CUL3: variants seen among roughly 807,000 people sequenced by gnomAD.
The protein encoded by CUL3 is cullin-3.
In CUL3, 19 loss-of-function variants were observed where a neutral mutation model predicts 89.1. The observed-to-expected ratio is 0.21, with a 90% confidence interval of 0.15 to 0.31. The LOEUF (loss-of-function observed/expected upper bound fraction) is 0.31. Ranked by LOEUF, CUL3 falls within the 10% of genes least tolerant of loss-of-function variation. The pLI is 1.00. For missense variants in CUL3, 469 were observed against 942.3 expected (o/e 0.50, Z 6.58); for synonymous variants, 351 against 308.4 (o/e 1.14, Z -1.45).
intron 1 of CUL3, among the ~76,000 whole-genome samples, chr2:224,566,039 T>C (rs1396828356): frequency 1.3e-5 from 2 of 152,196 alleles, no homozygotes; most frequent in Non-Finnish European, 2.9e-5. Flanking sequence ...CTGCTGCGTT[T>C]AAAGAGCCTT....
intron 3 of CUL3, among the ~76,000 whole-genome samples, chr2:224,523,419 A>C (rs1693343965): frequency 6.6e-6 from 1 of 152,124 alleles, no homozygotes; most frequent in African/African-American, 2.4e-5. Context: ...CAAAATAACA[A>C]GTTTTGACAA....
intron 2 of CUL3, among the ~76,000 whole-genome samples, chr2:224,536,966 C>G (rs1051856878): frequency 1.3e-5 from 2 of 152,182 alleles, no homozygotes; most frequent in African/African-American, 4.8e-5. Flanking sequence ...CATAATCCAG[C>G]TAAACTCTCA....
chr2:224,560,342 G>A (rs898684586), intron 1 of CUL3: 16 of 151,762 alleles, frequency 1.1e-4, no homozygotes, highest in African/African-American at 3.9e-4. Flanking sequence ...TCTTAAAATT[G>A]ATACATTCTC....
chr2:224,496,037 G>T, intron 12 of CUL3, 71 bp from the exon 13 acceptor site: 2 of 1,445,130 alleles, frequency 1.4e-6, no homozygotes, highest in South Asian at 1.2e-5. Flanking sequence ...ATGTATGTAC[G>T]TACATATGTA....
intron 1 of CUL3, among the ~76,000 whole-genome samples, chr2:224,577,724 T>G (rs889326445): frequency 6.6e-6 from 1 of 152,222 alleles, no homozygotes; most frequent in African/African-American, 2.4e-5. Flanking sequence ...GAAAATTCTC[T>G]ACAGACTATT....
intron 3 of CUL3, among the ~76,000 whole-genome samples, chr2:224,526,773 G>GT (rs1233006085): frequency 1.4e-5 from 2 of 144,162 alleles, no homozygotes; most frequent in East Asian, 4.1e-4. Context: ...CAGCGATCAA[G>GT]TTTATCATTC....
chr2:224,520,903 C>G (rs1465056663), intron 3 of CUL3, among the ~76,000 whole-genome samples: 1 of 152,168 alleles, frequency 6.6e-6, no homozygotes, highest in African/African-American at 2.4e-5. Flanking sequence ...AAAGTATGCT[C>G]AAAGGTGTCA....
intron 6 of CUL3, among the ~76,000 whole-genome samples, chr2:224,507,269 T>G (rs1462078447): frequency 6.6e-6 from 1 of 152,116 alleles, no homozygotes; most frequent in Non-Finnish European, 1.5e-5. Context: ...TAAATTTACA[T>G]GGAAGAGATG....
chr2:224,474,443 A>G (rs919290525), intron 15 of CUL3, 67 bp from the exon 16 acceptor site: 7 of 1,356,588 alleles, frequency 5.2e-6, no homozygotes, highest in Admixed American at 2.1e-5. Context: ...AACAGAACTG[A>G]TATGTCATTT....
intron 7 of CUL3, among the ~76,000 whole-genome samples, chr2:224,506,368 C>A (rs948777088): frequency 6.6e-6 from 1 of 152,082 alleles, no homozygotes; most frequent in Non-Finnish European, 1.5e-5. Flanking sequence ...AACCAAAGAA[C>A]CTCCTCACTG....
At chr2:224,506,453 C>T (rs1449532641) in intron 7 of CUL3, among the ~76,000 whole-genome samples, 1 of 152,084 alleles carries the variant, frequency 6.6e-6, no homozygotes, top group Non-Finnish European at 1.5e-5. Flanking sequence ...CCAAAAAAAG[C>T]TGATTATGTT....
intron 1 of CUL3, among the ~76,000 whole-genome samples, chr2:224,564,825 A>C (rs1324575829): frequency 6.8e-6 from 1 of 146,204 alleles, no homozygotes. Context: ...CATGTCAAAA[A>C]TCCCTGACAA....
chr2:224,519,665 AC>A (rs1246599018), intron 3 of CUL3, among the ~76,000 whole-genome samples: 1 of 152,206 alleles, frequency 6.6e-6, no homozygotes, highest in African/African-American at 2.4e-5. Flanking sequence ...TAAATGTCTG[AC>A]ATGTATGATT....
At chr2:224,540,840 GTGT>G (rs1694076780) in intron 2 of CUL3, among the ~76,000 whole-genome samples, 1 of 152,158 alleles carries the variant, frequency 6.6e-6, no homozygotes. Flanking sequence ...GCCCTGGTGT[GTGT>G]TGTTCTCTTC....
rs1692477616 is a variant in CUL3, at chr2:224,503,526, A to T, written c.1377+126T>A. On this transcript the variant is annotated intron_variant, in intron 9 of 15. Coordinates refer to ENST00000264414, the MANE Select transcript of CUL3 (RefSeq NM_003590.5). ...GTAGTCTGTGTTCTTCTCCAAAACA[A>T]TCTACCTTTATTTCTAGAAATAAAC... 7.3e-6 allele frequency: 6 copies of T among 825,456 alleles called. No homozygotes were observed. The South Asian group carries it at 1.4e-4, about 20-fold the overall frequency. 51.1% of individuals were successfully genotyped at this position (825,456 alleles called of 1,614,324 possible).
intron 13 of CUL3, among the ~76,000 whole-genome samples, chr2:224,492,672 CCTGA>C (rs1488426899): frequency 3.9e-5 from 6 of 152,168 alleles, no homozygotes; most frequent in Admixed American, 2.0e-4. Flanking sequence ...TCAGCAGCAG[CCTGA>C]CTACTACAGA....
intron 1 of CUL3, among the ~76,000 whole-genome samples, chr2:224,568,181 A>C (rs1311964353): frequency 1.3e-5 from 2 of 152,240 alleles, no homozygotes; most frequent in African/African-American, 2.4e-5. Flanking sequence ...AAGCAAAGTT[A>C]ACAACTCCTT....
intron 11 of CUL3, chr2:224,499,896 CTGT>C (rs1476195654): frequency 6.4e-6 from 1 of 156,810 alleles, no homozygotes; most frequent in Non-Finnish European, 1.4e-5. Context: ...GGATCTTTCT[CTGT>C]TTTTTTCTTG....
chr2:224,474,423 C>A, intron 15 of CUL3, 47 bp from the exon 16 acceptor site: 5 of 1,535,300 alleles, frequency 3.3e-6, no homozygotes, highest in Non-Finnish European at 4.5e-6. Context: ...CATAAAAATT[C>A]GTATCTTTGA....
Sources: gnomAD v4.1 joint callset for allele counts (sites outside exome capture counted in the v4.1 genomes callset) on GRCh38, gnomAD v4.1.1 for gene constraint, MANE v1.5 for transcripts, NCBI Gene and HGNC (gene_info 2026-07-23, HGNC 2026-07-21) for gene names.